Variants in DNAH5 observed in about 807,000 individuals in gnomAD.
DNAH5 encodes dynein axonemal heavy chain 5, also known as axonemal beta dynein heavy chain 5.
DNAH5 carries 372 observed loss-of-function variants against 518.2 expected under a neutral mutation model. The ratio of observed to expected loss-of-function variants is 0.72; its 90% CI spans 0.66 to 0.78. The LOEUF (loss-of-function observed/expected upper bound fraction) is 0.78. Ranked by LOEUF, DNAH5 falls within the 30% of genes least tolerant of loss-of-function variation. The pLI is 0.00. For synonymous variants in DNAH5, 2,039 were observed against 2,025.9 expected, an observed-to-expected ratio of 1.01 and a Z score of -0.17; for missense variants, 5,523 against 5,687.0, an observed-to-expected ratio of 0.97 and a Z score of 0.93.
intron 78 of DNAH5, among the ~76,000 whole-genome samples, chr5:13,696,198 C>T (rs1288369369): frequency 6.6e-6 from 1 of 152,208 alleles, no homozygotes; most frequent in Non-Finnish European, 1.5e-5. Context: ...CTTGCCTCGT[C>T]CCTCGCAAAT....
upstream of DNAH5, among the ~76,000 whole-genome samples, chr5:13,946,971 A>T (rs1025140012): frequency 2.3e-4 from 35 of 152,332 alleles, no homozygotes; most frequent in African/African-American, 7.7e-4. Flanking sequence ...CCTATGCAAC[A>T]CTCGGAATGA....
chr5:13,821,397 A>G (rs1358309150), intron 40 of DNAH5, among the ~76,000 whole-genome samples: 2 of 138,300 alleles, frequency 1.4e-5, no homozygotes, highest in African/African-American at 2.8e-5. Context: ...CAAGGCATGT[A>G]TGGAAGTTAC....
intron 60 of DNAH5, among the ~76,000 whole-genome samples, chr5:13,760,338 G>A (rs1265659903): frequency 6.6e-6 from 1 of 152,134 alleles, no homozygotes; most frequent in Non-Finnish European, 1.5e-5. Flanking sequence ...CTTAAACCCT[G>A]TGAGCTTCAG....
At chr5:13,972,117 A>G (rs1781913689) in intron 1 of DNAH5, among the ~76,000 whole-genome samples, 1 of 152,234 alleles carries the variant, frequency 6.6e-6, no homozygotes, top group South Asian at 2.1e-4. Flanking sequence ...GCCAGCAGTG[A>G]CAGGCCTCAC....
chr5:13,808,379 C>T (rs1012281599), intron 46 of DNAH5, among the ~76,000 whole-genome samples: 1 of 152,096 alleles, frequency 6.6e-6, no homozygotes, highest in Admixed American at 6.6e-5. Context: ...TTTCAGCCTC[C>T]AGAACAGAGA....
At chr5:13,878,354 C>CT (rs1485677360) in intron 21 of DNAH5, among the ~76,000 whole-genome samples, 3 of 152,200 alleles carry the variant, frequency 2.0e-5, no homozygotes, top group Admixed American at 6.5e-5. Flanking sequence ...GCTACACCCC[C>CT]TCAGAACAAT....
Position 13,690,623 on chromosome 5 carries a change from C to CA in DNAH5, c.*1360dup, listed in dbSNP as rs1216326296. 1 of 151,924 alleles carries CA rather than the reference C, an allele frequency of 6.6e-6. No homozygotes were observed. Among genetic ancestry groups the CA allele is most frequent in the Admixed American group, 6.5e-5 (1 of 15,270 alleles). The allele number at this position is 151,924 out of a possible 1,614,324, so 9.4% of individuals were successfully genotyped here. On this transcript the variant is annotated 3_prime_UTR_variant, in exon 79 of 79. Coordinates refer to ENST00000265104, the MANE Select transcript of DNAH5 (RefSeq NM_001369.3). ...ATCCACCTACCAAAAACTGTTTATCCAAAAAAATGCAGTTATACAGATCCA... is the reference window on the plus strand; with the variant it reads ...ATCCACCTACCAAAAACTGTTTATCCAAAAAAAATGCAGTTATACAGATCCA...
chr5:13,983,996 T>C (rs1782860150), intron 1 of DNAH5, among the ~76,000 whole-genome samples: 1 of 152,176 alleles, frequency 6.6e-6, no homozygotes, highest in Admixed American at 6.5e-5. Flanking sequence ...GAAGTAGAGT[T>C]GCTAATCAGC....
chr5:13,870,017 A>G (rs1769844760), intron 24 of DNAH5, among the ~76,000 whole-genome samples: 1 of 152,116 alleles, frequency 6.6e-6, no homozygotes, highest in South Asian at 2.1e-4. Context: ...ATTATAACTA[A>G]TAAGTAAATA....
chr5:13,735,325 G>A lies in DNAH5; in HGVS notation c.11571-4C>T, dbSNP rs758068700. ...TGTAATCGGGCTCTTGACAGACCTG[G>A]TGAATAGAATATTTAAATCAGGCTT... is the stretch of plus-strand genomic sequence containing the variant. On this transcript the variant is annotated splice_region_variant and splice_polypyrimidine_tract_variant and intron_variant, in intron 67 of 78. Coordinates refer to ENST00000265104, the MANE Select transcript of DNAH5 (RefSeq NM_001369.3). 46 of 1,613,516 alleles carry A rather than the reference G, an allele frequency of 2.9e-5. No homozygotes were observed. In the South Asian group the frequency reaches 4.9e-4, roughly 17 times the overall value.
At chr5:13,864,705 CTG>C (rs1768971537) in intron 27 of DNAH5, 68 bp from the exon 28 acceptor site, 1 of 1,551,610 alleles carries the variant, frequency 6.4e-7, no homozygotes, top group African/African-American at 1.4e-5. Context: ...CCAAGACGGT[CTG>C]CTAGTATTTC....
At chr5:13,930,062 A>G (rs1778267772) in intron 2 of DNAH5, among the ~76,000 whole-genome samples, 1 of 152,132 alleles carries the variant, frequency 6.6e-6, no homozygotes, top group Non-Finnish European at 1.5e-5. Flanking sequence ...CTATGAGGAG[A>G]AGGAGAAAGA....
chr5:13,886,637 T>C lies in DNAH5; in HGVS notation c.2578-508A>G, dbSNP rs549468565. The stretch of plus-strand genomic sequence containing the variant: ...AGGAGATTAGGTAGACAGATAGTTA[T>C]AGATGGATGATATAGACAGAATCAG... On this transcript the variant is annotated intron_variant, in intron 17 of 78. Transcript: ENST00000265104. Among the ~76,000 whole-genome samples, 154 of 152,318 alleles carry C rather than the reference T, an allele frequency of 1.0e-3. 1 individual carries two copies. The highest frequency in any genetic ancestry group is 3.6e-3 in the African/African-American group (151 of 41,562).
At chr5:13,924,398 G>A (rs942943847) in intron 3 of DNAH5, among the ~76,000 whole-genome samples, 5 of 151,972 alleles carry the variant, frequency 3.3e-5, no homozygotes, top group East Asian at 1.9e-4. Flanking sequence ...TAATATGGCC[G>A]GGCGTGGTGG....
chr5:13,713,458 TATATATATACAC>T (rs1462688905), intron 75 of DNAH5, among the ~76,000 whole-genome samples: 26 of 132,166 alleles, frequency 2.0e-4, no homozygotes, highest in African/African-American at 7.4e-4. Context: ...TATATATATA[TATATATATACAC>T]ACACCGATAT....
chr5:13,835,569 C>A (rs1352105255), intron 35 of DNAH5, among the ~76,000 whole-genome samples: 2 of 152,034 alleles, frequency 1.3e-5, no homozygotes, highest in Non-Finnish European at 2.9e-5. Flanking sequence ...GACATCATTG[C>A]GATCTGCATT....
In DNAH5 at chr5:13,871,621, G is replaced by C. The variant is rs1382270558; in HGVS notation, c.3541C>G (p.Gln1181Glu). Residue 1181 changes from glutamine (Q) to glutamate (E), a missense_variant, in exon 23 of 79, where the codon CAG (glutamine) becomes GAG (glutamate). Around this residue, in one of 3 missense-constraint regions of DNAH5, gnomAD observed 5,121 missense variants for 5,223.3 expected, o/e 0.98. Transcript: ENST00000265104. ...SQILYFQNLE[Q>E]EINAEPEYVC... Reference sequence around the variant, plus strand: ...TATTCAGGCTCAGCATTAATTTCCTGCTCTAGGTTTTGGAAATAGAGAATC... The same window carrying C: ...TATTCAGGCTCAGCATTAATTTCCTCCTCTAGGTTTTGGAAATAGAGAATC... 2 of 1,613,622 alleles carry C rather than the reference G, an allele frequency of 1.2e-6. No individual in the cohort carries two copies. Among genetic ancestry groups the C allele is most frequent in the East Asian group, 4.5e-5 (2 of 44,882 alleles).
chr5:13,840,920 T>C lies in DNAH5; in HGVS notation c.5695A>G (p.Ile1899Val). Residue 1899 changes from isoleucine to valine, a missense_variant, in exon 34 of 79, where the codon ATC becomes GTC. Around this residue, in one of 3 missense-constraint regions of DNAH5, gnomAD observed 5,121 missense variants for 5,223.3 expected, o/e 0.98. Transcript: ENST00000265104. ...AAAGAATTTACCAGGTCATCAAAGA[T>C]ATCCCTTTGGTGCACATGAATAGTA... ...LITIHVHQRD[I>V]FDDLCHMHIK... is the part of the protein sequence containing the mutation. 2 of 1,613,428 alleles carry C rather than the reference T, an allele frequency of 1.2e-6. No individual in the cohort carries two copies. Among genetic ancestry groups the C allele is most frequent in the Non-Finnish European group, 1.7e-6 (2 of 1,179,322 alleles).
intron 67 of DNAH5, among the ~76,000 whole-genome samples, 154 bp downstream of exon 67, chr5:13,735,664 G>C (rs1747289589): frequency 6.6e-6 from 1 of 152,150 alleles, no homozygotes; most frequent in Admixed American, 6.5e-5. Context: ...TGGCAAATCA[G>C]AATGATTTGT....
Sources: allele counts gnomAD v4.1 joint callset (sites outside exome capture counted in the v4.1 genomes callset), GRCh38; gene constraint gnomAD v4.1.1; regional missense constraint gnomAD v4.1.1; transcripts MANE v1.5; gene names NCBI Gene and HGNC (gene_info 2026-07-23, HGNC 2026-07-21).